GPX8: variants seen among roughly 807,000 people sequenced by gnomAD.
GPX8 encodes the protein glutathione peroxidase 8 (putative), also known as protein peroxidase GPX8.
A neutral mutation model predicts 17.8 loss-of-function variants in GPX8; 12 were observed. The ratio of observed to expected loss-of-function variants is 0.67; its 90% CI spans 0.43 to 1.09. The LOEUF (loss-of-function observed/expected upper bound fraction) is 1.09, where lower values mean the gene tolerates loss of function less well. Among genes scored for constraint, GPX8 ranks in the 50% least tolerant of loss-of-function variants. The pLI is 0.00. For missense variants in GPX8, 209 were observed against 235.6 expected, an observed-to-expected ratio of 0.89 and a Z score of 0.74; for synonymous variants, 86 against 88.1, an observed-to-expected ratio of 0.98 and a Z score of 0.14.
Position 55,164,072 on chromosome 5 carries a change from C to G in GPX8, c.484C>G (p.Pro162Ala), listed in dbSNP as rs1269696399. ...RFLVDSSKKE[P>A]RWNFWKYLVN... ...TATTTTAGATTCTTCAAAGAAGGAA[C>G]CAAGGTGGAATTTTTGGAAGTATCT... The change falls in exon 3 of 3, where the codon CCA becomes GCA. Residue 162 changes from proline to alanine, a missense_variant. Physicochemically the swap from Pro to Ala is conservative, Grantham distance 27. Transcript: ENST00000503787. 5 of 1,588,632 alleles carry G rather than the reference C, an allele frequency of 3.1e-6. No homozygotes were observed. Among genetic ancestry groups the G allele is most frequent in the Non-Finnish European group, 3.4e-6 (4 of 1,166,408 alleles).
At chr5:55,161,303 A>G (rs1485156346) in intron 2 of GPX8, 48 bp downstream of exon 2, 2 of 1,518,558 alleles carry the variant, frequency 1.3e-6, no homozygotes, top group Non-Finnish European at 1.8e-6. Context: ...TTTCATTTTT[A>G]AACAATTATA....
rs975403026 is a variant in GPX8 at position 55,165,006 on chromosome 5, T to A, written c.*788T>A. ...AAGTAAGTCAGTCTTTATTTTTGCG[T>A]GAAAATCCCAAGTGTAGAAAAAAGG... On this transcript the variant is annotated 3_prime_UTR_variant, in exon 3 of 3. Transcript: ENST00000503787. The A allele has an allele frequency of 2.0e-5, 3 of 152,194 alleles. No individual in the cohort carries two copies. Among genetic ancestry groups the A allele is most frequent in the Non-Finnish European group, 4.4e-5 (3 of 68,030 alleles). The allele number at this position is 152,194 out of a possible 1,614,324, so 9.4% of individuals were successfully genotyped here.
chr5:55,160,837 A>T, intron 1 of GPX8, 157 bp from the exon 2 acceptor site: 1 of 713,762 alleles, frequency 1.4e-6, no homozygotes, highest in Non-Finnish European at 2.2e-6. Context: ...CATCTAGGTT[A>T]CAGTTTTCAA....
chr5:55,160,252 A>G lies in GPX8; in HGVS notation c.60A>G (p.Ala20=). The change falls in exon 1 of 3, where the codon GCA becomes GCG. Residue 20 remains alanine, a synonymous_variant. Transcript: ENST00000503787. ...CCGGGCCCAGAGCAAAGGTATTTGCAGTTTTGCTGTCTATAGTTCTATGCA... is the reference window on the plus strand; with the variant it reads ...CCGGGCCCAGAGCAAAGGTATTTGCGGTTTTGCTGTCTATAGTTCTATGCA... ...KCSGPRAKVF[A]VLLSIVLCTV... is the part of the protein sequence containing the mutation. The G allele has an allele frequency of 6.2e-7, 1 of 1,614,114 alleles. No homozygotes were observed. Among genetic ancestry groups the G allele is most frequent in the Middle Eastern group, 1.7e-4 (1 of 6,060 alleles).
chr5:55,161,985 G>A (rs563424916), intron 2 of GPX8, among the ~76,000 whole-genome samples: 2 of 148,024 alleles, frequency 1.4e-5, no homozygotes, highest in Non-Finnish European at 3.0e-5. Flanking sequence ...GCTATCAATA[G>A]TACCGCCTTC....
At position 55,161,165 on chromosome 5, in the gene GPX8, G is replaced by A; in HGVS notation, c.376G>A (p.Ala126Thr). 6.2e-7 allele frequency: 1 copy of A among 1,614,192 alleles called. No individual in the cohort carries two copies. Among genetic ancestry groups the A allele is most frequent in the Non-Finnish European group, 8.5e-7 (1 of 1,180,018 alleles). The part of the protein sequence containing the change: ...PRPSKEVESF[A>T]RKNYGVTFPI... ...CCCAAGCAAGGAAGTAGAATCTTTT[G>A]CAAGAAAAAACTACGGAGTAACTTT... is the stretch of plus-strand genomic sequence containing the variant. Residue 126 changes from alanine (A) to threonine (T), a missense_variant, in exon 2 of 3, where the codon GCA becomes ACA. Coordinates refer to ENST00000503787, the MANE Select transcript of GPX8 (RefSeq NM_001008397.4).
chr5:55,165,045 A>G lies in GPX8; in HGVS notation c.*827A>G, dbSNP rs1184907392. 1 of 152,182 alleles carries G rather than the reference A, an allele frequency of 6.6e-6. No individual in the cohort carries two copies. The highest frequency in any genetic ancestry group is 2.4e-5 in the African/African-American group (1 of 41,432). 9.4% of individuals were successfully genotyped at this position (152,182 alleles called of 1,614,324 possible). ...GTAGAAAAAAGGACATGAGTATAAG[A>G]TCATTTAACTTGATTCCTTATAGGC... On this transcript the variant is annotated 3_prime_UTR_variant, in exon 3 of 3. Transcript: ENST00000503787.
rs1422866573 is a variant in GPX8, at chr5:55,165,357, A to G, written c.*1139A>G. The stretch of plus-strand genomic sequence containing the variant: ...GGTGAAGGTTAATTATTGCCTCATG[A>G]AATATACATTCATCGCATAAAAGAA... On this transcript the variant is annotated 3_prime_UTR_variant, in exon 3 of 3. Transcript: ENST00000503787. The G allele has an allele frequency of 6.6e-6, 1 of 152,230 alleles. No homozygotes were observed. Among genetic ancestry groups the G allele is most frequent in the Non-Finnish European group, 1.5e-5 (1 of 68,050 alleles). 9.4% of individuals were successfully genotyped at this position (152,230 alleles called of 1,614,324 possible).
rs1212715042 is a variant in GPX8 at position 55,164,950 on chromosome 5, G to A, written c.*732G>A. ...TTTCTCTCTGCATTATTTTTTAGAA[G>A]CAACTCAAATTCTGTAATCATAATA... On this transcript the variant is annotated 3_prime_UTR_variant, in exon 3 of 3. Transcript: ENST00000503787. 2 of 152,002 alleles carry A rather than the reference G, an allele frequency of 1.3e-5. No homozygotes were observed. The highest frequency in any genetic ancestry group is 2.9e-5 in the Non-Finnish European group (2 of 67,992). 9.4% of individuals were successfully genotyped at this position (152,002 alleles called of 1,614,324 possible).
Position 55,166,035 on chromosome 5 carries a change from T to G in GPX8, c.*1817T>G, listed in dbSNP as rs1214286515. The G allele has an allele frequency of 6.6e-6, 1 of 152,250 alleles. No individual in the cohort carries two copies. Among genetic ancestry groups the G allele is most frequent in the Non-Finnish European group, 1.5e-5 (1 of 68,050 alleles). The allele number at this position is 152,250 out of a possible 1,614,324, so 9.4% of individuals were successfully genotyped here. On this transcript the variant is annotated 3_prime_UTR_variant, in exon 3 of 3. Transcript: ENST00000503787. ...TTGAATTCTGAGCCTCTAAGAAAAC[T>G]TATGCTCAGGTGGCCCCTCCAAGTG...
rs751804749 is a variant in GPX8, at chr5:55,164,261, G to A, written c.*43G>A. 7.1e-7 allele frequency: 1 copy of A among 1,415,950 alleles called. No individual in the cohort carries two copies. The highest frequency in any genetic ancestry group is 2.3e-5 in the Admixed American group (1 of 43,422). The allele number at this position is 1,415,950 out of a possible 1,614,324, so 87.7% of individuals were successfully genotyped here. A position where few individuals can be genotyped will look rare whatever the true frequency, so the allele number is the denominator to read the frequency against. The stretch of plus-strand genomic sequence containing the variant: ...TAATAGAACAGAGAAATGTCTCCAT[G>A]AGGGTTTGGTCTCATTTTAAACATT... On this transcript the variant is annotated 3_prime_UTR_variant, in exon 3 of 3. Transcript: ENST00000503787.
chr5:55,161,092 C>G lies in GPX8; in HGVS notation c.303C>G (p.Phe101Leu). The G allele has an allele frequency of 6.2e-7, 1 of 1,614,228 alleles. No homozygotes were observed. The highest frequency in any genetic ancestry group is 8.5e-7 in the Non-Finnish European group (1 of 1,180,040). The change falls in exon 2 of 3, where the codon TTC (phenylalanine) becomes TTG (leucine). Residue 101 changes from phenylalanine to leucine, a missense_variant. Physicochemically the swap from Phe to Leu is conservative, Grantham distance 22. Transcript: ENST00000503787. Reference protein sequence around the residue: ...ELHKEFGPSHFSVLAFPCNQF... With the variant: ...ELHKEFGPSHLSVLAFPCNQF... ...ACAAAGAGTTTGGACCATCCCACTTCAGCGTGTTGGCTTTTCCCTGCAATC... is the reference window on the plus strand; with the variant it reads ...ACAAAGAGTTTGGACCATCCCACTTGAGCGTGTTGGCTTTTCCCTGCAATC...
intron 2 of GPX8, 91 bp downstream of exon 2, chr5:55,161,346 G>T: frequency 8.1e-7 from 1 of 1,235,194 alleles, no homozygotes; most frequent in Non-Finnish European, 1.1e-6. Flanking sequence ...CATTTGAAAC[G>T]TTGTATCGGG....
At chr5:55,163,512 T>C (rs1465877424) in intron 2 of GPX8, among the ~76,000 whole-genome samples, 4 of 152,010 alleles carry the variant, frequency 2.6e-5, no homozygotes, top group Non-Finnish European at 2.9e-5. Context: ...TTTTTGGCTT[T>C]TAATTTTATT....
chr5:55,162,771 C>A (rs1301095329), intron 2 of GPX8, among the ~76,000 whole-genome samples: 1 of 152,226 alleles, frequency 6.6e-6, no homozygotes, highest in Non-Finnish European at 1.5e-5. Context: ...TGCAATAGCT[C>A]ATAGGTTATT....
intron 2 of GPX8, among the ~76,000 whole-genome samples, chr5:55,162,453 T>C (rs1390993151): frequency 6.6e-6 from 1 of 152,228 alleles, no homozygotes; most frequent in African/African-American, 2.4e-5. Context: ...TCTGATGACA[T>C]CTTCAGTCCT....
chr5:55,160,919 G>A (rs1310945194), intron 1 of GPX8, 75 bp from the exon 2 acceptor site: 3 of 1,479,476 alleles, frequency 2.0e-6, no homozygotes, highest in Non-Finnish European at 2.7e-6. Flanking sequence ...AATTGTTTAG[G>A]ATTTTAACTA....
Position 55,167,043 on chromosome 5 carries a change from C to CA in GPX8, c.*2831dup, listed in dbSNP as rs1246798655. ...AGACCCCATCTTAAAGACCCTGTCT[C>CA]AAAAAAGAGAGAAAAAGAAAAAGAA... On this transcript the variant is annotated 3_prime_UTR_variant, in exon 3 of 3. Coordinates refer to ENST00000503787, the MANE Select transcript of GPX8 (RefSeq NM_001008397.4). The CA allele has an allele frequency of 6.6e-6, 1 of 151,610 alleles. No individual in the cohort carries two copies. The highest frequency in any genetic ancestry group is 6.6e-5 in the Admixed American group (1 of 15,228). The allele number at this position is 151,610 out of a possible 1,614,324, so 9.4% of individuals were successfully genotyped here. A position where few individuals can be genotyped will look rare whatever the true frequency, so the allele number is the denominator to read the frequency against.
chr5:55,163,028 T>C (rs1023274182), intron 2 of GPX8, among the ~76,000 whole-genome samples: 4 of 152,140 alleles, frequency 2.6e-5, no homozygotes, highest in Non-Finnish European at 5.9e-5. Flanking sequence ...ACCCACCTCA[T>C]AGGGTCCCTG....
Sources: allele counts gnomAD v4.1 joint callset (sites outside exome capture counted in the v4.1 genomes callset), GRCh38; gene constraint gnomAD v4.1.1; transcripts MANE v1.5; gene names NCBI Gene and HGNC (gene_info 2026-07-23, HGNC 2026-07-21).